The following GREB1L variants were observed in gnomAD, a reference collection of about 807,000 sequenced individuals.
The protein encoded by GREB1L is GREB1 like retinoic acid receptor coactivator.
Under a neutral mutation model 200.8 loss-of-function variants are expected in GREB1L, and 17 were observed. The ratio of observed to expected loss-of-function variants is 0.08; its 90% CI spans 0.06 to 0.13. The LOEUF is 0.13. GREB1L is among the 10% of genes least tolerant of loss of function. The pLI is 1.00. For synonymous variants in GREB1L, 789 were observed against 893.0 expected, an observed-to-expected ratio of 0.88 and a Z score of 2.08; for missense variants, 1,657 against 2,367.7, an observed-to-expected ratio of 0.70 and a Z score of 6.23.
At chr18:21,254,162 C>T (rs4800557) in intron 1 of GREB1L, among the ~76,000 whole-genome samples, 4 of 149,994 alleles carry the variant, frequency 2.7e-5, no homozygotes, top group South Asian at 4.2e-4. Context: ...TTCCACCTCC[C>T]GGGTTCAAGC....
At chr18:21,302,693 C>G (rs756664639) in intron 1 of GREB1L, among the ~76,000 whole-genome samples, 2 of 152,004 alleles carry the variant, frequency 1.3e-5, no homozygotes, top group Non-Finnish European at 2.9e-5. Context: ...TGCAGGAGTT[C>G]ATTCCAAACA....
In GREB1L at chr18:21,295,949, A is replaced by T. The variant is rs1437338958; in HGVS notation, c.-120+53556A>T. On this transcript the variant is annotated intron_variant, in intron 1 of 32. Coordinates refer to ENST00000424526, the MANE Select transcript of GREB1L (RefSeq NM_001142966.3). ...ACAATGGATGCTGGTGAGGCTGCAG[A>T]GCAAAGGAACACTTACACACTGTTA... Among the ~76,000 whole-genome samples the T allele has an allele frequency of 2.6e-5, 4 of 152,376 alleles. No homozygotes were observed. The Middle Eastern group carries it at 0.01, about 389-fold the overall frequency.
chr18:21,419,736 A>T (rs1188579880), intron 7 of GREB1L, among the ~76,000 whole-genome samples: 1 of 152,254 alleles, frequency 6.6e-6, no homozygotes, highest in African/African-American at 2.4e-5. Context: ...GGCGTGAGCC[A>T]CTGTGCCCAC....
intron 1 of GREB1L, among the ~76,000 whole-genome samples, chr18:21,340,868 A>G (rs1311815353): frequency 1.3e-5 from 2 of 152,340 alleles, no homozygotes; most frequent in East Asian, 1.9e-4. Flanking sequence ...AATAATATAC[A>G]TGAAAGAATT....
At chr18:21,287,571 C>G (rs1051316508) in intron 1 of GREB1L, among the ~76,000 whole-genome samples, 3 of 152,020 alleles carry the variant, frequency 2.0e-5, no homozygotes, top group Admixed American at 6.6e-5. Context: ...CTGTAGGAGC[C>G]TAGTATTTTA....
intron 9 of GREB1L, 54 bp from the exon 10 acceptor site, chr18:21,441,346 T>C: frequency 7.0e-7 from 1 of 1,430,494 alleles, no homozygotes. Flanking sequence ...TGCTTTCTAT[T>C]GTATTTCATT....
rs1268189567 is a variant in GREB1L at position 21,487,244 on chromosome 18, C to A, written c.2690+1491C>A. Among the ~76,000 whole-genome samples the A allele has an allele frequency of 2.6e-5, 4 of 152,292 alleles. No homozygotes were observed. The South Asian group carries it at 8.3e-4, about 32-fold the overall frequency. ...CTTTTATTTTAAATGATGATCTCATCAACTTTCTATTGTAGTTTTGTGCTA... is the reference window on the plus strand; with the variant it reads ...CTTTTATTTTAAATGATGATCTCATAAACTTTCTATTGTAGTTTTGTGCTA... On this transcript the variant is annotated intron_variant, in intron 18 of 32. Coordinates refer to ENST00000424526, the MANE Select transcript of GREB1L (RefSeq NM_001142966.3).
chr18:21,482,366 G>C (rs765850792), intron 17 of GREB1L, among the ~76,000 whole-genome samples: 1 of 152,130 alleles, frequency 6.6e-6, no homozygotes, highest in Non-Finnish European at 1.5e-5. Context: ...CAAGCGATTC[G>C]TCTGCATCAG....
At chr18:21,375,037 T>TTTTTG (rs933507413) in intron 2 of GREB1L, among the ~76,000 whole-genome samples, 1 of 149,514 alleles carries the variant, frequency 6.7e-6, no homozygotes, top group East Asian at 1.9e-4. Context: ...GTGAGGAGGT[T>TTTTTG]TTTTGTTTTG....
At chr18:21,498,521 G>C (rs2036643957) in intron 21 of GREB1L, among the ~76,000 whole-genome samples, 1 of 152,206 alleles carries the variant, frequency 6.6e-6, no homozygotes, top group South Asian at 2.1e-4. Flanking sequence ...ACCAGCATGA[G>C]GAGGAGGAGC....
intron 4 of GREB1L, among the ~76,000 whole-genome samples, chr18:21,389,296 C>T (rs1177954113): frequency 1.4e-5 from 2 of 145,386 alleles, no homozygotes; most frequent in Admixed American, 6.9e-5. Context: ...AGTTGGTTCT[C>T]GTGCCACTTT....
intron 1 of GREB1L, among the ~76,000 whole-genome samples, chr18:21,249,693 A>G (rs1447994548): frequency 5.0e-5 from 7 of 140,134 alleles, no homozygotes; most frequent in Non-Finnish European, 1.1e-4. Context: ...TGTCTCTACT[A>G]AAAAAAAAAA....
At chr18:21,507,591 G>C (rs770015736) in intron 25 of GREB1L, among the ~76,000 whole-genome samples, 49 of 152,168 alleles carry the variant, frequency 3.2e-4, no homozygotes, top group Non-Finnish European at 5.3e-4. Flanking sequence ...TGAGTCAAAT[G>C]GTCTCTTTTC....
At chr18:21,257,995 T>G (rs2037828289) in intron 1 of GREB1L, among the ~76,000 whole-genome samples, 1 of 152,166 alleles carries the variant, frequency 6.6e-6, no homozygotes, top group Non-Finnish European at 1.5e-5. Flanking sequence ...AAGTGTAAAG[T>G]CAGAATTCAA....
At chr18:21,273,810 G>A (rs183782200) in intron 1 of GREB1L, among the ~76,000 whole-genome samples, 8 of 152,242 alleles carry the variant, frequency 5.3e-5, no homozygotes, top group East Asian at 1.9e-4. Flanking sequence ...TAGGGCCATC[G>A]GCTGGAGGGA....
At chr18:21,502,809 C>T (rs188965597) in intron 23 of GREB1L, among the ~76,000 whole-genome samples, 14 of 152,304 alleles carry the variant, frequency 9.2e-5, no homozygotes, top group Admixed American at 4.6e-4. Flanking sequence ...CCGCCAGGCT[C>T]GCTGGCACCA....
chr18:21,501,102 A>G (rs1037601217), intron 23 of GREB1L, among the ~76,000 whole-genome samples: 2 of 151,012 alleles, frequency 1.3e-5, no homozygotes, highest in African/African-American at 4.9e-5. Context: ...GAAAGAAATG[A>G]AAAAAAAGAA....
intron 1 of GREB1L, among the ~76,000 whole-genome samples, chr18:21,244,647 T>C (rs1261402288): frequency 6.6e-6 from 1 of 152,196 alleles, no homozygotes; most frequent in African/African-American, 2.4e-5. Context: ...CAAAAAACAT[T>C]CCTGAATGGT....
At chr18:21,246,409 G>C (rs574346920) in intron 1 of GREB1L, among the ~76,000 whole-genome samples, 63 of 152,222 alleles carry the variant, frequency 4.1e-4, no homozygotes, top group Non-Finnish European at 8.4e-4. Flanking sequence ...CAATCTATGT[G>C]TGTGCTTATG....
Sources: gnomAD v4.1 joint callset for allele counts (sites outside exome capture counted in the v4.1 genomes callset) on GRCh38, gnomAD v4.1.1 for gene constraint, MANE v1.5 for transcripts, NCBI Gene and HGNC (gene_info 2026-07-23, HGNC 2026-07-21) for gene names.